NPY5R: variants seen among roughly 807,000 people sequenced by gnomAD.
The protein encoded by NPY5R is neuropeptide Y receptor Y5.
A neutral mutation model predicts 24.8 loss-of-function variants in NPY5R; 21 were observed. That is an observed-to-expected ratio of 0.85 (90% confidence interval 0.60 to 1.22). The LOEUF (loss-of-function observed/expected upper bound fraction) is 1.22, where lower values mean the gene tolerates loss of function less well. Ranked by LOEUF, NPY5R falls within the 50% of genes most tolerant of loss-of-function variation. The pLI, the probability that NPY5R is intolerant of heterozygous loss-of-function variation, is 0.00. For missense variants in NPY5R, 481 were observed against 521.3 expected (o/e 0.92, Z 0.75); for synonymous variants, 175 against 183.0 (o/e 0.96, Z 0.35).
chr4:163,348,288 T>C (rs184981722), intron 3 of NPY5R, among the ~76,000 whole-genome samples: 52 of 152,304 alleles, frequency 3.4e-4, no homozygotes, highest in Admixed American at 2.2e-3. Flanking sequence ...TTAATTTCTT[T>C]GTTGGTTTGT....
chr4:163,351,948 T>A (rs963095948), downstream of NPY5R: 7 of 174,340 alleles, frequency 4.0e-5, no homozygotes, highest in African/African-American at 1.7e-4. Context: ...AGTACTTTTG[T>A]CCAAAAATAT....
chr4:163,348,918 A>G (rs1578956525), intron 3 of NPY5R, among the ~76,000 whole-genome samples: 1 of 152,224 alleles, frequency 6.6e-6, no homozygotes, highest in Non-Finnish European at 1.5e-5. Flanking sequence ...CAATGAATTC[A>G]TTGACTCGTT....
intron 3 of NPY5R, among the ~76,000 whole-genome samples, chr4:163,348,603 C>T (rs1735351212): frequency 6.6e-6 from 1 of 150,556 alleles, no homozygotes; most frequent in African/African-American, 2.5e-5. Flanking sequence ...TGTGGTCACA[C>T]TACTGCACCC....
Position 163,351,400 on chromosome 4 carries a change from T to C in NPY5R, c.1127T>C (p.Val376Ala), listed in dbSNP as rs750432652. 1.9e-6 allele frequency: 3 copies of C among 1,612,544 alleles called. No homozygotes were observed. The highest frequency in any genetic ancestry group is 1.1e-5 in the South Asian group (1 of 91,054). ...TACAGACTGACCATACTGATATTAGTATTTGCTGTTAGTTGGATGCCACTA... is the reference window on the plus strand; with the variant it reads ...TACAGACTGACCATACTGATATTAGCATTTGCTGTTAGTTGGATGCCACTA... ...VFYRLTILIL[V>A]FAVSWMPLHL... The change falls in exon 4 of 4, where the codon GTA becomes GCA. Residue 376 changes from valine to alanine, a missense_variant. By Grantham distance (64) the Val-to-Ala change is moderately conservative. Coordinates refer to ENST00000338566, the MANE Select transcript of NPY5R (RefSeq NM_006174.4).
Position 163,350,331 on chromosome 4 carries a change from G to T in NPY5R, c.58G>T (p.Ala20Ser), listed in dbSNP as rs776148718. Residue 20 changes from alanine to serine, a missense_variant, in exon 4 of 4, where the codon GCT becomes TCT. Ala to Ser is a moderately conservative substitution (Grantham distance 99). Transcript: ENST00000338566. ...NKTLATENNT[A>S]ATRNSDFPVW... ...GACACTTGCCACAGAGAATAATACT[G>T]CTGCCACTCGGAATTCTGATTTCCC... is the stretch of plus-strand genomic sequence containing the variant. The T allele has an allele frequency of 5.6e-6, 9 of 1,609,508 alleles. No homozygotes were observed. The highest frequency in any genetic ancestry group is 2.7e-5 in the African/African-American group (2 of 74,766).
rs775024515 is a variant in NPY5R at position 163,350,315 on chromosome 4, C to T, written c.42C>T (p.Ala14=). Residue 14 remains alanine (A), a synonymous_variant, in exon 4 of 4, where the codon GCC becomes GCT. Coordinates refer to ENST00000338566, the MANE Select transcript of NPY5R (RefSeq NM_006174.4). The part of the protein sequence containing the change: ...ELDEYYNKTL[A]TENNTAATRN... ...ACGAGTATTATAACAAGACACTTGC[C>T]ACAGAGAATAATACTGCTGCCACTC... 29 of 1,594,408 alleles carry T rather than the reference C, an allele frequency of 1.8e-5. No individual in the cohort carries two copies. The Admixed American group carries it at 3.4e-4, about 19-fold the overall frequency.
At chr4:163,350,123 A>T in intron 3 of NPY5R, 142 bp from the exon 4 acceptor site, 1 of 436,720 alleles carries the variant, frequency 2.3e-6, no homozygotes. Context: ...AAAAAAAAAA[A>T]AAGATATCAT....
At position 163,351,574 on chromosome 4, in the gene NPY5R, C is replaced by T; in HGVS notation, c.1301C>T (p.Ala434Val). Residue 434 changes from alanine to valine, a missense_variant, in exon 4 of 4, where the codon GCT becomes GTT. Coordinates refer to ENST00000338566, the MANE Select transcript of NPY5R (RefSeq NM_006174.4). ...GGGTTTCTTAATAATGGGATTAAAG[C>T]TGATTTAGTGTCCCTTATACACTGT... Reference protein sequence around the residue: ...LYGFLNNGIKADLVSLIHCLH... With the variant: ...LYGFLNNGIKVDLVSLIHCLH... 1.2e-6 allele frequency: 2 copies of T among 1,609,214 alleles called. No homozygotes were observed. Among genetic ancestry groups the T allele is most frequent in the Non-Finnish European group, 1.7e-6 (2 of 1,175,748 alleles).
At chr4:163,347,846 C>T (rs1735315435) in intron 3 of NPY5R, among the ~76,000 whole-genome samples, 1 of 152,170 alleles carries the variant, frequency 6.6e-6, no homozygotes, top group Non-Finnish European at 1.5e-5. Context: ...TGAATGAATA[C>T]AATCCTAAGT....
intron 1 of NPY5R, chr4:163,344,414 G>A (rs112557474): frequency 0.078 from 11,948 of 152,304 alleles, 532 homozygotes; most frequent in South Asian, 0.17. Flanking sequence ...CCGGCTGGAC[G>A]CGCTCTGGCT....
chr4:163,348,051 A>G (rs867951408), intron 3 of NPY5R, among the ~76,000 whole-genome samples: 2 of 152,202 alleles, frequency 1.3e-5, no homozygotes, highest in African/African-American at 2.4e-5. Flanking sequence ...TATGTACACA[A>G]TAGTATTTGC....
chr4:163,351,213 G>C lies in NPY5R; in HGVS notation c.940G>C (p.Glu314Gln). Reference protein sequence around the residue: ...SQENHSRILPENFGSVRSQLS... With the variant: ...SQENHSRILPQNFGSVRSQLS... ...AGAGAACCACTCCAGAATACTTCCA[G>C]AAAACTTTGGCTCTGTAAGAAGTCA... Residue 314 changes from glutamate to glutamine, a missense_variant, in exon 4 of 4, where the codon GAA (glutamate) becomes CAA (glutamine). Transcript: ENST00000338566. 5 of 1,614,098 alleles carry C rather than the reference G, an allele frequency of 3.1e-6. No individual in the cohort carries two copies. Among genetic ancestry groups the C allele is most frequent in the Non-Finnish European group, 4.2e-6 (5 of 1,179,986 alleles).
chr4:163,345,070 G>A (rs1209278720), intron 1 of NPY5R: 1 of 152,130 alleles, frequency 6.6e-6, no homozygotes, highest in African/African-American at 2.4e-5. Context: ...CATTGCAGGA[G>A]GAAAAAGAAT....
At chr4:163,349,837 C>T (rs973774450) in intron 3 of NPY5R, among the ~76,000 whole-genome samples, 1 of 152,138 alleles carries the variant, frequency 6.6e-6, no homozygotes, top group Admixed American at 6.5e-5. Flanking sequence ...ACTTTCTGGG[C>T]TGGGCACGGT....
intron 3 of NPY5R, chr4:163,349,183 T>C (rs1735377029): frequency 6.1e-6 from 1 of 164,964 alleles, no homozygotes; most frequent in East Asian, 1.9e-4. Context: ...CATGAGATAG[T>C]GATCCTATTC....
rs1459100727 is a variant in NPY5R at position 163,350,585 on chromosome 4, G to T, written c.312G>T (p.Leu104=). Residue 104 remains leucine, a synonymous_variant, in exon 4 of 4, where the codon CTG becomes CTT. Transcript: ENST00000338566. Reference sequence around the variant, plus strand: ...CTTTCACACTGACGTCTGTCTTGCTGGATCAGTGGATGTTTGGCAAAGTCA... The same window carrying T: ...CTTTCACACTGACGTCTGTCTTGCTTGATCAGTGGATGTTTGGCAAAGTCA... ...CSPFTLTSVL[L]DQWMFGKVMC... 6.2e-7 allele frequency: 1 copy of T among 1,614,120 alleles called. No homozygotes were observed. The highest frequency in any genetic ancestry group is 2.2e-5 in the East Asian group (1 of 44,880).
intron 1 of NPY5R, chr4:163,345,052 T>C (rs1735170663): frequency 6.6e-6 from 1 of 152,238 alleles, no homozygotes; most frequent in Non-Finnish European, 1.5e-5. Flanking sequence ...CAATAGTTGA[T>C]ATTGTATCAT....
Position 163,350,689 on chromosome 4 carries a change from G to A in NPY5R, c.416G>A (p.Arg139Lys). The stretch of plus-strand genomic sequence containing the variant: ...ATTTTAATATCAATTGCCATTGTCA[G>A]GTATCATATGATAAAACATCCCATA... The part of the protein sequence containing the change: ...TLILISIAIV[R>K]YHMIKHPISN... The change falls in exon 4 of 4, where the codon AGG (arginine) becomes AAG (lysine). Residue 139 changes from arginine to lysine, a missense_variant. Arg to Lys is a conservative substitution (Grantham distance 26). Transcript: ENST00000338566. 6.2e-7 allele frequency: 1 copy of A among 1,613,838 alleles called. No homozygotes were observed. The highest frequency in any genetic ancestry group is 8.5e-7 in the Non-Finnish European group (1 of 1,179,836).
At position 163,350,693 on chromosome 4, in the gene NPY5R, T is replaced by A; in HGVS notation, c.420T>A (p.Tyr140Ter). ...LILISIAIVRYHMIKHPISNN... is the reference protein window; with the variant it reads ...LILISIAIVR ...TAATATCAATTGCCATTGTCAGGTA[T>A]CATATGATAAAACATCCCATATCTA... The change falls in exon 4 of 4, where the codon TAT becomes TAA. Residue 140 changes from tyrosine to a stop codon, truncating the protein, a stop_gained. Coordinates refer to ENST00000338566, the MANE Select transcript of NPY5R (RefSeq NM_006174.4). LOFTEE classifies it high-confidence loss of function. The A allele has an allele frequency of 6.2e-7, 1 of 1,613,850 alleles. No individual in the cohort carries two copies. The highest frequency in any genetic ancestry group is 1.1e-5 in the South Asian group (1 of 91,080).
Sources: gnomAD v4.1 joint callset for allele counts (sites outside exome capture counted in the v4.1 genomes callset) on GRCh38, gnomAD v4.1.1 for gene constraint, MANE v1.5 for transcripts, NCBI Gene and HGNC (gene_info 2026-07-23, HGNC 2026-07-21) for gene names.